Variants in ITGA8 observed in about 807,000 individuals in gnomAD.
ITGA8 encodes integrin alpha-8.
A neutral mutation model predicts 142.3 loss-of-function variants in ITGA8; 91 were observed. That is an observed-to-expected ratio of 0.64 (90% CI 0.54 to 0.76). The LOEUF is 0.76. ITGA8 is among the 30% of genes least tolerant of loss of function. The pLI is 0.00. For synonymous variants in ITGA8, 505 were observed against 485.2 expected (o/e 1.04, Z -0.54); for missense variants, 1,406 against 1,327.7 (o/e 1.06, Z -0.92).
At chr10:15,695,869 C>A (rs1458398386) in intron 2 of ITGA8, among the ~76,000 whole-genome samples, 1 of 152,176 alleles carries the variant, frequency 6.6e-6, no homozygotes, top group African/African-American at 2.4e-5. Context: ...ATCCTCCTGA[C>A]AATCACCTCT....
chr10:15,529,917 C>T (rs1465809419), intron 28 of ITGA8, among the ~76,000 whole-genome samples: 1 of 152,222 alleles, frequency 6.6e-6, no homozygotes, highest in Admixed American at 6.5e-5. Context: ...TTCTAAGAAC[C>T]TCCCAGATGA....
At chr10:15,710,081 T>G (rs1835335760) in intron 2 of ITGA8, among the ~76,000 whole-genome samples, 1 of 152,216 alleles carries the variant, frequency 6.6e-6, no homozygotes, top group African/African-American at 2.4e-5. Flanking sequence ...TGTTTAATTT[T>G]TTCATTATTT....
intron 2 of ITGA8, among the ~76,000 whole-genome samples, chr10:15,689,025 T>C (rs145181128): frequency 6.6e-6 from 1 of 152,020 alleles, no homozygotes; most frequent in African/African-American, 2.4e-5. Flanking sequence ...ATAAAAGACA[T>C]CCAAATCAGA....
chr10:15,712,525 C>T lies in ITGA8; in HGVS notation c.343+6241G>A, dbSNP rs150290370. 2.5e-3 allele frequency among the ~76,000 whole-genome samples: 377 copies of T among 152,226 alleles called. 2 individuals carry two copies. The highest frequency in any genetic ancestry group is 8.5e-3 in the African/African-American group (353 of 41,510). The stretch of plus-strand genomic sequence containing the variant: ...CTGAGGCAGGAGAATCATTTTAACC[C>T]GGGAGATGGAGGTTGCAGTTAGCTG... On this transcript the variant is annotated intron_variant, in intron 2 of 29. Transcript: ENST00000378076.
Position 15,660,916 on chromosome 10 carries a change from A to C in ITGA8, c.854T>G (p.Val285Gly). The part of the protein sequence containing the change: ...EFTGDSQQEL[V>G]AGIPRGAQNF... ...CTGTGCTCCTCTTGGAATTCCAGCA[A>C]CCAATTCTGGGGATGAAAATAGCCA... The change falls in exon 9 of 30, where the codon GTT becomes GGT. Residue 285 changes from valine (V) to glycine (G), a missense_variant. Transcript: ENST00000378076. 1 of 1,613,694 alleles carries C rather than the reference A, an allele frequency of 6.2e-7. No homozygotes were observed. The highest frequency in any genetic ancestry group is 8.5e-7 in the Non-Finnish European group (1 of 1,179,690).
intron 13 of ITGA8, among the ~76,000 whole-genome samples, chr10:15,618,770 T>C (rs1342972529): frequency 1.3e-5 from 2 of 152,234 alleles, no homozygotes; most frequent in Non-Finnish European, 2.9e-5. Flanking sequence ...TTCTTCAGCT[T>C]TGGGACTCGG....
In ITGA8 at chr10:15,613,679, A is replaced by G. The variant is rs139049697; in HGVS notation, c.1534T>C (p.Ser512Pro). Reference sequence around the variant, plus strand: ...ACTCACCAGGCAGCAGATGTCATAGAGTCTGGAACCTGGCAAGTTTTATTT... The same window carrying G: ...ACTCACCAGGCAGCAGATGTCATAGGGTCTGGAACCTGGCAAGTTTTATTT... ...LENKTCQVPDSMTSAACFSLR... is the reference protein window; with the variant it reads ...LENKTCQVPDPMTSAACFSLR... The change falls in exon 15 of 30, where the codon TCT becomes CCT. Residue 512 changes from serine to proline, a missense_variant. Coordinates refer to ENST00000378076, the MANE Select transcript of ITGA8 (RefSeq NM_003638.3). 2,229 of 1,612,906 alleles carry G rather than the reference A, an allele frequency of 1.4e-3. 4 individuals carry two copies. Among genetic ancestry groups the G allele is most frequent in the Non-Finnish European group, 1.8e-3 (2,168 of 1,178,860 alleles).
intron 2 of ITGA8, among the ~76,000 whole-genome samples, chr10:15,689,633 G>A (rs966669780): frequency 1.1e-4 from 17 of 152,208 alleles, no homozygotes; most frequent in African/African-American, 4.1e-4. Context: ...TGTGACCAGA[G>A]CAGCTACTGC....
In ITGA8 at chr10:15,714,333, G is replaced by A. The variant is rs147230749; in HGVS notation, c.343+4433C>T. On this transcript the variant is annotated intron_variant, in intron 2 of 29. Coordinates refer to ENST00000378076, the MANE Select transcript of ITGA8 (RefSeq NM_003638.3). ...GGAACCTTGAAGTAGACACAGAAGC[G>A]AGAGGCATGAATTAGGCAGATGTGA... Among the ~76,000 whole-genome samples, 217 of 152,306 alleles carry A rather than the reference G, an allele frequency of 1.4e-3. 1 individual carries two copies. The highest frequency in any genetic ancestry group is 5.1e-3 in the African/African-American group (210 of 41,574).
At chr10:15,536,272 G>T (rs1356513772) in intron 27 of ITGA8, among the ~76,000 whole-genome samples, 2 of 151,990 alleles carry the variant, frequency 1.3e-5, no homozygotes, top group African/African-American at 4.8e-5. Context: ...CAAAAGTAAG[G>T]TTTCTTCCAC....
intron 27 of ITGA8, among the ~76,000 whole-genome samples, chr10:15,533,476 TA>T (rs1240741312): frequency 3.3e-5 from 5 of 152,228 alleles, no homozygotes; most frequent in Non-Finnish European, 5.9e-5. Flanking sequence ...GATTTCAATC[TA>T]ATTTCCTTGC....
chr10:15,558,059 A>G lies in ITGA8; in HGVS notation c.2766+15T>C. On this transcript the variant is annotated intron_variant, in intron 26 of 29. Transcript: ENST00000378076. ...ACTCATTTCCCTCAGTTCTATGCAC[A>G]CTGGGATAACTCACCAGTATTTTTG... 6.2e-7 allele frequency: 1 copy of G among 1,613,658 alleles called. No individual in the cohort carries two copies. The highest frequency in any genetic ancestry group is 2.2e-5 in the East Asian group (1 of 44,880).
chr10:15,539,285 A>C (rs1466727395), intron 27 of ITGA8, among the ~76,000 whole-genome samples: 1 of 152,178 alleles, frequency 6.6e-6, no homozygotes, highest in Non-Finnish European at 1.5e-5. Context: ...ATGAAATAAA[A>C]GGTATCAAAA....
chr10:15,559,353 C>G (rs1159320439), intron 25 of ITGA8, among the ~76,000 whole-genome samples: 1 of 152,166 alleles, frequency 6.6e-6, no homozygotes. Context: ...GGTCTGGGGC[C>G]CATCTGTGCC....
intron 13 of ITGA8, among the ~76,000 whole-genome samples, chr10:15,633,727 T>A (rs1833722868): frequency 6.6e-6 from 1 of 152,084 alleles, no homozygotes; most frequent in African/African-American, 2.4e-5. Context: ...GCCACCAAAT[T>A]CCTTTTAAAT....
intron 27 of ITGA8, among the ~76,000 whole-genome samples, chr10:15,536,464 C>T (rs1031013173): frequency 5.9e-5 from 9 of 152,280 alleles, no homozygotes; most frequent in South Asian, 2.1e-4. Context: ...AAAGCAATTA[C>T]GGGCAGAGGT....
intron 8 of ITGA8, among the ~76,000 whole-genome samples, chr10:15,661,504 AGTCATACTTT>A (rs9333107): frequency 0.099 from 15,065 of 152,152 alleles, 927 homozygotes; most frequent in East Asian, 0.29. Context: ...GAAAAACAGA[AGTCATACTTT>A]GTCATACTTT....
chr10:15,651,537 T>G (rs926677599), intron 11 of ITGA8, among the ~76,000 whole-genome samples: 5 of 152,190 alleles, frequency 3.3e-5, no homozygotes, highest in Non-Finnish European at 1.5e-5. Context: ...GACAGTTTTT[T>G]TTTTTTCGTG....
intron 21 of ITGA8, among the ~76,000 whole-genome samples, chr10:15,594,587 G>A (rs1817093): frequency 0.79 from 120,145 of 151,954 alleles, 48,025 homozygotes; most frequent in South Asian, 0.89. Context: ...GTTCAAGACC[G>A]GCCTGGCCAA....
Sources: gnomAD v4.1 joint callset for allele counts (sites outside exome capture counted in the v4.1 genomes callset) on GRCh38, gnomAD v4.1.1 for gene constraint, MANE v1.5 for transcripts, NCBI Gene and HGNC (gene_info 2026-07-23, HGNC 2026-07-21) for gene names.